Variants in IL1RL2 observed in about 807,000 individuals in gnomAD.
The protein encoded by IL1RL2 is interleukin 1 receptor like 2.
In IL1RL2, 68 loss-of-function variants were observed where a neutral mutation model predicts 66.8. The observed-to-expected ratio is 1.02, with a 90% CI of 0.84 to 1.25. The LOEUF is 1.25. IL1RL2 is among the 50% of genes most tolerant of loss of function. IL1RL2 has a pLI of 0.00. For synonymous variants in IL1RL2, 305 were observed against 264.6 expected (o/e 1.15, Z -1.48); for missense variants, 729 against 709.3 (o/e 1.03, Z -0.32).
At chr2:102,228,851 T>A (rs1690872369) in intron 9 of IL1RL2, among the ~76,000 whole-genome samples, 1 of 152,222 alleles carries the variant, frequency 6.6e-6, no homozygotes, top group Non-Finnish European at 1.5e-5. Flanking sequence ...CATGGCTTTT[T>A]CTGAGACTAA....
At chr2:102,232,607 C>T (rs34023438) in intron 9 of IL1RL2, among the ~76,000 whole-genome samples, 2,225 of 152,302 alleles carry the variant, frequency 0.015, 55 homozygotes, top group African/African-American at 0.051. Flanking sequence ...TGCACCACTG[C>T]GCTGGACGAG....
At chr2:102,206,030 G>A (rs973762346) in intron 5 of IL1RL2, among the ~76,000 whole-genome samples, 5 of 151,956 alleles carry the variant, frequency 3.3e-5, no homozygotes, top group Non-Finnish European at 7.4e-5. Context: ...AAAGGACTCT[G>A]ATGCATTCTT....
chr2:102,187,883 C>T lies in IL1RL2; in HGVS notation c.16C>T (p.Leu6Phe). 1 of 1,613,846 alleles carries T rather than the reference C, an allele frequency of 6.2e-7. No individual in the cohort carries two copies. The highest frequency in any genetic ancestry group is 8.5e-7 in the Non-Finnish European group (1 of 1,179,970). Reference sequence around the variant, plus strand: ...CGGTTTGGGGATGTGGTCCTTGCTGCTCTGCGGGTTGTCCATCGCCCTTCC... The same window carrying T: ...CGGTTTGGGGATGTGGTCCTTGCTGTTCTGCGGGTTGTCCATCGCCCTTCC... MWSLLLCGLSIALPLS... is the reference protein window; with the variant it reads MWSLLFCGLSIALPLS... Residue 6 changes from leucine to phenylalanine, a missense_variant, in exon 2 of 12, where the codon CTC (leucine) becomes TTC (phenylalanine). Leu to Phe is a conservative substitution (Grantham distance 22). Transcript: ENST00000264257.
At chr2:102,239,125 G>C in intron 11 of IL1RL2, 67 bp from the exon 12 acceptor site, 1 of 1,456,366 alleles carries the variant, frequency 6.9e-7, no homozygotes, top group Non-Finnish European at 9.6e-7. Context: ...CCCATGGCAG[G>C]TTTCCTTATC....
At chr2:102,229,385 A>T (rs888375135) in intron 9 of IL1RL2, among the ~76,000 whole-genome samples, 2 of 152,166 alleles carry the variant, frequency 1.3e-5, no homozygotes, top group African/African-American at 4.8e-5. Context: ...GTTTTGTGAA[A>T]TTTCCTGCTC....
At chr2:102,188,077 G>GAAC in intron 2 of IL1RL2, 152 bp downstream of exon 2, 1 of 666,270 alleles carries the variant, frequency 1.5e-6, no homozygotes, top group South Asian at 1.6e-5. Context: ...AGGAAACAGA[G>GAAC]AACCAGCTCC....
intron 4 of IL1RL2, among the ~76,000 whole-genome samples, chr2:102,195,627 T>TTCTCTCTC (rs1159940295): frequency 6.8e-5 from 1 of 14,644 alleles, no homozygotes; most frequent in Non-Finnish European, 1.6e-4. Context: ...CTTTCTTTCT[T>TTCTCTCTC]TCTCTCTCTC....
intron 9 of IL1RL2, among the ~76,000 whole-genome samples, chr2:102,232,677 A>G (rs1300354552): frequency 6.6e-6 from 1 of 152,110 alleles, no homozygotes; most frequent in African/African-American, 2.4e-5. Flanking sequence ...CTTAGACTCA[A>G]AAGACGTGGG....
At chr2:102,219,484 C>T (rs1178288788) in intron 7 of IL1RL2, among the ~76,000 whole-genome samples, 2 of 152,162 alleles carry the variant, frequency 1.3e-5, no homozygotes, top group Admixed American at 6.5e-5. Context: ...AGTGCATAAT[C>T]ATTAGCTAAT....
intron 3 of IL1RL2, among the ~76,000 whole-genome samples, chr2:102,189,797 C>T (rs1559525077): frequency 6.6e-6 from 1 of 152,188 alleles, no homozygotes; most frequent in African/African-American, 2.4e-5. Context: ...GGATTATAGG[C>T]GCAAGCCACC....
In IL1RL2 at chr2:102,199,041, T is replaced by A. The variant is rs186519083; in HGVS notation, c.490-2515T>A. 3.3e-4 allele frequency among the ~76,000 whole-genome samples: 51 copies of A among 152,342 alleles called. 1 individual carries two copies. The highest frequency in any genetic ancestry group is 1.1e-3 in the African/African-American group (47 of 41,582). ...TCTTCTTCTTAGTAACACCTTTGCT[T>A]ACCTAAGACTGTAGAAGTCCTGCTC... On this transcript the variant is annotated intron_variant, in intron 4 of 11. Transcript: ENST00000264257.
Position 102,219,812 on chromosome 2 carries a change from A to T in IL1RL2, c.855-69A>T, listed in dbSNP as rs1689939076. On this transcript the variant is annotated intron_variant, in intron 7 of 11. Transcript: ENST00000264257. ...CTCAAAGAAAACACTTTATCTCCAG[A>T]AAACAGATTATAAAATATGTTGGGT... The T allele has an allele frequency of 2.1e-6, 3 of 1,444,766 alleles. No homozygotes were observed. The Admixed American group carries it at 5.4e-5, about 26-fold the overall frequency. The allele number at this position is 1,444,766 out of a possible 1,614,324, so 89.5% of individuals were successfully genotyped here.
rs1301653862 is a variant in IL1RL2 at position 102,225,885 on chromosome 2, C to T, written c.992-13C>T. ...AATTATAATTATTATTATTTTTTTG[C>T]TGTCATTTGTAGCTCCGGATTTTCG... is the stretch of plus-strand genomic sequence containing the variant. On this transcript the variant is annotated splice_polypyrimidine_tract_variant and intron_variant, in intron 8 of 11. Transcript: ENST00000264257. The T allele has an allele frequency of 2.0e-6, 3 of 1,517,550 alleles. No individual in the cohort carries two copies. The highest frequency in any genetic ancestry group is 1.4e-5 in the African/African-American group (1 of 70,650). The allele number at this position is 1,517,550 out of a possible 1,614,324, so 94.0% of individuals were successfully genotyped here. A position where few individuals can be genotyped will look rare whatever the true frequency, so the allele number is the denominator to read the frequency against.
chr2:102,197,884 T>C (rs569289196), intron 4 of IL1RL2, among the ~76,000 whole-genome samples: 11 of 152,330 alleles, frequency 7.2e-5, no homozygotes, highest in Middle Eastern at 3.4e-3. Flanking sequence ...CAGAGTTGAT[T>C]CCCCACTTTC....
At chr2:102,219,298 C>A (rs1048275164) in intron 7 of IL1RL2, among the ~76,000 whole-genome samples, 5 of 152,174 alleles carry the variant, frequency 3.3e-5, no homozygotes, top group Non-Finnish European at 5.9e-5. Flanking sequence ...CAAAATTAGT[C>A]CCATTTCCAT....
chr2:102,210,783 G>T (rs1922289), intron 5 of IL1RL2, among the ~76,000 whole-genome samples: 42,636 of 152,004 alleles, frequency 0.28, 6,607 homozygotes, highest in East Asian at 0.39. Flanking sequence ...TGAGTATGAG[G>T]TGCCTTTGGA....
chr2:102,234,937 G>T lies in IL1RL2; in HGVS notation c.1338G>T (p.Arg446Ser), dbSNP rs757990472. Residue 446 changes from arginine to serine, a missense_variant, in exon 11 of 12, where the codon AGG becomes AGT. By Grantham distance (110) the Arg-to-Ser change is moderately radical (BLOSUM62 -1). Coordinates refer to ENST00000264257, the MANE Select transcript of IL1RL2 (RefSeq NM_003854.4). ...NVIDENVKLC[R>S]RLIVIVVPES... The stretch of plus-strand genomic sequence containing the variant: ...TCGATGAAAACGTTAAGCTGTGCAG[G>T]AGGCTGATTGTCATTGTGGTCCCCG... The T allele has an allele frequency of 9.3e-6, 15 of 1,614,076 alleles. No homozygotes were observed. Among genetic ancestry groups the T allele is most frequent in the Non-Finnish European group, 1.3e-5 (15 of 1,180,046 alleles).
At chr2:102,193,707 C>A (rs183174065) in intron 4 of IL1RL2, among the ~76,000 whole-genome samples, 3 of 152,272 alleles carry the variant, frequency 2.0e-5, no homozygotes, top group African/African-American at 7.2e-5. Flanking sequence ...TATTATAAGC[C>A]TTTGATTTTT....
chr2:102,242,133 G>C (rs1278468811), downstream of IL1RL2, among the ~76,000 whole-genome samples: 1 of 152,202 alleles, frequency 6.6e-6, no homozygotes, highest in East Asian at 1.9e-4. Context: ...CTATTCTGAA[G>C]AGCCGGATGA....
Sources: allele counts gnomAD v4.1 joint callset (sites outside exome capture counted in the v4.1 genomes callset), GRCh38; gene constraint gnomAD v4.1.1; transcripts MANE v1.5; gene names NCBI Gene and HGNC (gene_info 2026-07-23, HGNC 2026-07-21).